ABHD18: variants seen among roughly 807,000 people sequenced by gnomAD.
ABHD18 encodes cardiolipin-specific deacylase, mitochondrial.
ABHD18 carries 55 observed loss-of-function variants against 65.9 expected under a neutral mutation model. The observed-to-expected ratio is 0.84, with a 90% CI of 0.67 to 1.05. ABHD18 has a LOEUF of 1.05. Ranked by LOEUF, ABHD18 falls within the 50% of genes least tolerant of loss-of-function variation. ABHD18 has a pLI of 0.00. For synonymous variants in ABHD18, 181 were observed against 180.2 expected, an observed-to-expected ratio of 1.00 and a Z score of -0.04; for missense variants, 533 against 558.5, an observed-to-expected ratio of 0.95 and a Z score of 0.46.
At chr4:127,999,759 G>GT (rs942429005) in intron 4 of ABHD18, among the ~76,000 whole-genome samples, 9 of 151,724 alleles carry the variant, frequency 5.9e-5, no homozygotes, top group African/African-American at 9.7e-5. Context: ...TTGATACTTT[G>GT]TTTTTTTTCT....
intron 7 of ABHD18, among the ~76,000 whole-genome samples, chr4:128,016,102 T>C (rs1755447015): frequency 6.6e-6 from 1 of 151,762 alleles, no homozygotes; most frequent in South Asian, 2.1e-4. Context: ...TACAGGCGCG[T>C]GCCACCACGC....
At chr4:128,035,072 A>T (rs972692564) in intron 12 of ABHD18, among the ~76,000 whole-genome samples, 1 of 152,216 alleles carries the variant, frequency 6.6e-6, no homozygotes, top group Non-Finnish European at 1.5e-5. Context: ...TCTATATCAT[A>T]ATCTGTGAAA....
chr4:127,984,596 G>A (rs918552963), intron 3 of ABHD18, among the ~76,000 whole-genome samples, 173 bp downstream of exon 3: 1 of 152,162 alleles, frequency 6.6e-6, no homozygotes, highest in African/African-American at 2.4e-5. Flanking sequence ...GGTGGCTCAC[G>A]CCTGTAATCC....
intron 4 of ABHD18, among the ~76,000 whole-genome samples, chr4:128,004,130 T>G (rs1286945424): frequency 6.6e-6 from 1 of 152,134 alleles, no homozygotes; most frequent in Non-Finnish European, 1.5e-5. Context: ...CGTCTCTACT[T>G]TCCCTGCCTC....
At chr4:127,973,249 C>G (rs1023239125) in intron 1 of ABHD18, among the ~76,000 whole-genome samples, 4 of 152,206 alleles carry the variant, frequency 2.6e-5, no homozygotes, top group African/African-American at 9.7e-5. Context: ...CTGCTGGACT[C>G]AAGCGGTCCT....
intron 7 of ABHD18, among the ~76,000 whole-genome samples, chr4:128,012,086 T>TC (rs200699651): frequency 0.035 from 5,352 of 151,942 alleles, 314 homozygotes; most frequent in African/African-American, 0.12. Flanking sequence ...CAAGCGATTC[T>TC]CTGCCTCAGC....
At chr4:127,988,968 G>A (rs1048111409) in intron 3 of ABHD18, among the ~76,000 whole-genome samples, 11 of 152,134 alleles carry the variant, frequency 7.2e-5, no homozygotes, top group South Asian at 2.1e-4. Context: ...AAGTGATATC[G>A]GCACTCCCAT....
Position 128,004,688 on chromosome 4 carries a change from A to T in ABHD18, c.279-4232A>T, listed in dbSNP as rs545873551. Among the ~76,000 whole-genome samples the T allele has an allele frequency of 2.0e-4, 30 of 151,870 alleles. No individual in the cohort carries two copies. The South Asian group carries it at 6.0e-3, about 31-fold the overall frequency. ...CACTTTGGGAGACCAAGGCGGGTGG[A>T]TCACCTGAGGTCAGGAGTTCGAGAC... On this transcript the variant is annotated intron_variant, in intron 4 of 12. Transcript: ENST00000645843.
intron 3 of ABHD18, among the ~76,000 whole-genome samples, chr4:127,989,189 T>A (rs1237942967): frequency 6.6e-6 from 1 of 152,284 alleles, no homozygotes; most frequent in South Asian, 2.1e-4. Context: ...ACAAATTTCA[T>A]GTGTTTTCAC....
Position 128,020,168 on chromosome 4 carries a change from C to A in ABHD18, c.698C>A (p.Thr233Lys), listed in dbSNP as rs760477366. The A allele has an allele frequency of 3.1e-6, 5 of 1,609,604 alleles. No individual in the cohort carries two copies. Among genetic ancestry groups the A allele is most frequent in the East Asian group, 2.2e-5 (1 of 44,820 alleles). ...TCCACAGCATCTGGGGTCTTCACTA[C>A]GGTAATTTAATTGTAATTAATATTA... is the stretch of plus-strand genomic sequence containing the variant. ...SWSTASGVFT[T>K]GVLSKSINWR... Residue 233 changes from threonine (T) to lysine (K), a missense_variant and splice_region_variant, in exon 9 of 13, where the codon ACG (threonine) becomes AAG (lysine). Thr to Lys is a moderately conservative substitution (Grantham distance 78, BLOSUM62 -1). Around this residue, in one of 3 missense-constraint regions of ABHD18, gnomAD observed 309 missense variants for 313.5 expected, o/e 0.99. Coordinates refer to ENST00000645843, the MANE Select transcript of ABHD18 (RefSeq NM_001358451.3).
At chr4:128,005,632 T>A (rs979089447) in intron 4 of ABHD18, among the ~76,000 whole-genome samples, 1 of 152,074 alleles carries the variant, frequency 6.6e-6, no homozygotes, top group East Asian at 1.9e-4. Flanking sequence ...CCAGCTAATA[T>A]TTTTTATTTT....
At chr4:128,020,513 A>G (rs767385075) in intron 9 of ABHD18, among the ~76,000 whole-genome samples, 12 of 152,232 alleles carry the variant, frequency 7.9e-5, no homozygotes, top group Admixed American at 3.3e-4. Flanking sequence ...CTTGCAGTCC[A>G]GAGTTTTTAT....
chr4:128,001,688 T>A, intron 4 of ABHD18: 1 of 1,538,138 alleles, frequency 6.5e-7, no homozygotes, highest in Non-Finnish European at 8.7e-7. Context: ...ATTTAGAAGG[T>A]TTTGGTGTGT....
intron 3 of ABHD18, among the ~76,000 whole-genome samples, chr4:127,987,765 G>C (rs1216969634): frequency 6.6e-6 from 1 of 151,624 alleles, no homozygotes; most frequent in African/African-American, 2.4e-5. Context: ...TATGCTAATA[G>C]GCATAAAAAA....
intron 9 of ABHD18, among the ~76,000 whole-genome samples, 180 bp from the exon 10 acceptor site, chr4:128,020,957 C>T (rs1756394111): frequency 6.6e-6 from 1 of 151,652 alleles, no homozygotes; most frequent in Non-Finnish European, 1.5e-5. Flanking sequence ...TTGCTTGAAC[C>T]CAGAAGGTGG....
chr4:127,986,035 A>C (rs1749886514), intron 3 of ABHD18, among the ~76,000 whole-genome samples: 1 of 152,154 alleles, frequency 6.6e-6, no homozygotes, highest in Non-Finnish European at 1.5e-5. Flanking sequence ...AATTGAGATA[A>C]AATTCACCCT....
chr4:128,039,336 G>A lies in ABHD18; in HGVS notation c.*3523G>A, dbSNP rs1009484612. 1.3e-5 allele frequency: 2 copies of A among 151,810 alleles called. No individual in the cohort carries two copies. The highest frequency in any genetic ancestry group is 2.9e-5 in the Non-Finnish European group (2 of 67,954). The allele number at this position is 151,810 out of a possible 1,614,324, so 9.4% of individuals were successfully genotyped here. A position where few individuals can be genotyped will look rare whatever the true frequency, so the allele number is the denominator to read the frequency against. The stretch of plus-strand genomic sequence containing the variant: ...AGTTATTTTATTAGATGTACATAAT[G>A]TTTCAAAAATGTTTGAATTTGAAAA... On this transcript the variant is annotated 3_prime_UTR_variant, in exon 13 of 13. Coordinates refer to ENST00000645843, the MANE Select transcript of ABHD18 (RefSeq NM_001358451.3).
intron 4 of ABHD18, among the ~76,000 whole-genome samples, chr4:127,998,672 C>G (rs189943625): frequency 5.3e-5 from 8 of 152,018 alleles, no homozygotes; most frequent in African/African-American, 1.9e-4. Flanking sequence ...GCATCCAGCT[C>G]TAATTCTTCA....
intron 1 of ABHD18, among the ~76,000 whole-genome samples, chr4:127,981,231 TA>T (rs971167061): frequency 3.3e-5 from 5 of 152,198 alleles, no homozygotes; most frequent in Admixed American, 6.5e-5. Context: ...CCACGTATGA[TA>T]TTTTTTTACT....
Sources: allele counts gnomAD v4.1 joint callset (sites outside exome capture counted in the v4.1 genomes callset), GRCh38; gene constraint gnomAD v4.1.1; regional missense constraint gnomAD v4.1.1; transcripts MANE v1.5; gene names NCBI Gene and HGNC (gene_info 2026-07-23, HGNC 2026-07-21).